DDA1: variants seen among roughly 807,000 people sequenced by gnomAD.
The protein encoded by DDA1 is DET1- and DDB1-associated protein 1.
Under a neutral mutation model 18.6 loss-of-function variants are expected in DDA1, and 3 were observed. The observed-to-expected ratio is 0.16, with a 90% CI of 0.07 to 0.42. The LOEUF (loss-of-function observed/expected upper bound fraction) is 0.42. DDA1 is among the 10% of genes least tolerant of loss of function. The probability of loss-of-function intolerance (pLI) is 0.99; values close to 1 mark genes in which losing one functional copy is unlikely to be tolerated. For missense variants in DDA1, 105 were observed against 138.2 expected, an observed-to-expected ratio of 0.76 and a Z score of 1.20; for synonymous variants, 52 against 54.0, an observed-to-expected ratio of 0.96 and a Z score of 0.17.
Position 17,319,548 on chromosome 19 carries a change from C to G in DDA1, c.201C>G (p.Asn67Lys). Residue 67 changes from asparagine (N) to lysine (K), a missense_variant and splice_region_variant, in exon 5 of 5, where the codon AAC (asparagine) becomes AAG (lysine). Transcript: ENST00000359866. ...CCTCTCTTTTCCCTGTCCCCCAGAA[C>G]GCTGCCAAGAAGAGAGACCAGGAGC... ...RYLHQQWDKK[N>K]AAKKRDQEQV... is the part of the protein sequence containing the mutation. 1 of 1,563,770 alleles carries G rather than the reference C, an allele frequency of 6.4e-7. No individual in the cohort carries two copies. The highest frequency in any genetic ancestry group is 1.2e-5 in the South Asian group (1 of 84,744).
chr19:17,319,503 GA>G lies in DDA1; in HGVS notation c.199-35del, dbSNP rs34681934. On this transcript the variant is annotated intron_variant, in intron 4 of 4. Transcript: ENST00000359866. ...TGAGCCCAGAAGGTTGAGGCTGTCC[GA>G]AAAAAAAGACTCACAGCCCCTCTCT... 26 of 1,517,592 alleles carry G rather than the reference GA, an allele frequency of 1.7e-5. No homozygotes were observed. The Admixed American group carries it at 2.8e-4, about 17-fold the overall frequency. The allele number at this position is 1,517,592 out of a possible 1,614,324, so 94.0% of individuals were successfully genotyped here.
In DDA1 at chr19:17,314,124, C is replaced by A. The variant is rs772012237; in HGVS notation, c.84+21C>A. The A allele has an allele frequency of 5.6e-6, 9 of 1,612,222 alleles. No homozygotes were observed. The highest frequency in any genetic ancestry group is 6.8e-6 in the Non-Finnish European group (8 of 1,178,632). ...CCTCGGTGAGTGCGTGTTCCTGGGA[C>A]TGGGAGGAATTGGTCACTTCCAGGG... On this transcript the variant is annotated intron_variant, in intron 2 of 4. Coordinates refer to ENST00000359866, the MANE Select transcript of DDA1 (RefSeq NM_024050.6). The surrounding 1 kb of genome is among the most constrained non-coding windows in gnomAD (Gnocchi z 4.6).
chr19:17,314,382 T>C lies in DDA1; in HGVS notation c.129T>C (p.Ser43=), dbSNP rs377221739. 9.9e-6 allele frequency: 16 copies of C among 1,614,164 alleles called. No homozygotes were observed. The African/African-American group carries it at 2.1e-4, about 22-fold the overall frequency. ...SVYLPTREYP[S]EQIIVTEKTN... ...ACCTGCCTACCCGCGAGTACCCGTC[T>C]GAACAGAGTAAGTGGCCGCTGTCAG... is the stretch of plus-strand genomic sequence containing the variant. Residue 43 remains serine (S), a synonymous_variant, in exon 3 of 5, where the codon TCT becomes TCC. Coordinates refer to ENST00000359866, the MANE Select transcript of DDA1 (RefSeq NM_024050.6). The surrounding 1 kb of genome is among the most constrained non-coding windows in gnomAD (Gnocchi z 4.6).
intron 1 of DDA1, among the ~76,000 whole-genome samples, chr19:17,313,474 G>A (rs945170764): frequency 1.5e-4 from 21 of 135,570 alleles, no homozygotes; most frequent in Non-Finnish European, 2.9e-4. Context: ...ACAGAGTCTG[G>A]TTCCGTCTCC....
At chr19:17,313,433 CTTTTTTTTT>C (rs57148595) in intron 1 of DDA1, among the ~76,000 whole-genome samples, 14 of 82,538 alleles carry the variant, frequency 1.7e-4, no homozygotes, top group African/African-American at 4.5e-4. Flanking sequence ...TTGAAAATGG[CTTTTTTTTT>C]TTTTTTTTTT....
At chr19:17,313,402 G>A (rs1459514358) in intron 1 of DDA1, among the ~76,000 whole-genome samples, 1 of 145,632 alleles carries the variant, frequency 6.9e-6, no homozygotes, top group Admixed American at 6.9e-5. Context: ...GCCCACTCCA[G>A]ACCTCACTCA....
Position 17,320,166 on chromosome 19 carries a change from G to A in DDA1, c.*510G>A, listed in dbSNP as rs1059767. ...TCGCCCGGAACTTTCCCATGCCCAGGCCTCACTCAGCGTGCACGCACGTTG... is the reference window on the plus strand; with the variant it reads ...TCGCCCGGAACTTTCCCATGCCCAGACCTCACTCAGCGTGCACGCACGTTG... On this transcript the variant is annotated 3_prime_UTR_variant, in exon 5 of 5. Coordinates refer to ENST00000359866, the MANE Select transcript of DDA1 (RefSeq NM_024050.6). The A allele has an allele frequency of 0.72, 111,123 of 153,442 alleles. 41,616 individuals are homozygous for A. The highest frequency in any genetic ancestry group is 0.85 in the African/African-American group (35,516 of 41,586). 9.5% of individuals were successfully genotyped at this position (153,442 alleles called of 1,614,324 possible). A position where few individuals can be genotyped will look rare whatever the true frequency, so the allele number is the denominator to read the frequency against.
chr19:17,323,290 A>C lies in DDA1; in HGVS notation c.*3634A>C, dbSNP rs939583207. Reference sequence around the variant, plus strand: ...AAAAATATGACAAAATAAATTAAAAACAAATAAATAATCGCCTGTTCTGTG... The same window carrying C: ...AAAAATATGACAAAATAAATTAAAACCAAATAAATAATCGCCTGTTCTGTG... On this transcript the variant is annotated 3_prime_UTR_variant, in exon 5 of 5. Coordinates refer to ENST00000359866, the MANE Select transcript of DDA1 (RefSeq NM_024050.6). 3.0e-6 allele frequency: 1 copy of C among 334,474 alleles called. No individual in the cohort carries two copies. The highest frequency in any genetic ancestry group is 5.4e-6 in the Non-Finnish European group (1 of 185,696). The allele number at this position is 334,474 out of a possible 1,614,324, so 20.7% of individuals were successfully genotyped here.
In DDA1 at chr19:17,319,598, C is replaced by A; in HGVS notation, c.251C>A (p.Ser84Tyr). 1 of 1,579,642 alleles carries A rather than the reference C, an allele frequency of 6.3e-7. No individual in the cohort carries two copies. Among genetic ancestry groups the A allele is most frequent in the Non-Finnish European group, 8.6e-7 (1 of 1,162,838 alleles). The change falls in exon 5 of 5, where the codon TCC becomes TAC. Residue 84 changes from serine (S) to tyrosine (Y), a missense_variant. Ser to Tyr is a moderately radical substitution (Grantham distance 144). Around this residue, in one of 2 missense-constraint regions of DDA1, gnomAD observed 62 missense variants for 55.8 expected, o/e 1.11. Coordinates refer to ENST00000359866, the MANE Select transcript of DDA1 (RefSeq NM_024050.6). The stretch of plus-strand genomic sequence containing the variant: ...CAAGTGGAGCTGGAAGGCGAGAGCT[C>A]CGCACCTCCCCGCAAGGTGGCGCGG... ...QEQVELEGES[S>Y]APPRKVARTD... is the part of the protein sequence containing the mutation.
intron 1 of DDA1, among the ~76,000 whole-genome samples, chr19:17,313,096 CAG>C (rs1338899615): frequency 4.9e-4 from 74 of 152,314 alleles, no homozygotes; most frequent in Non-Finnish European, 4.4e-5. Context: ...CCTCAGGCAT[CAG>C]GGGATGGCCT....
Position 17,314,556 on chromosome 19 carries a change from G to T in DDA1, c.136+167G>T. ...AGTTAAGTCAGGGAGGGCCTCCAGG[G>T]AGGTACAGGAGGGGGACCTTGGGGG... On this transcript the variant is annotated intron_variant, in intron 3 of 4. Transcript: ENST00000359866. This position sits in a 1 kb window ranked among gnomAD's most constrained non-coding sequence, Gnocchi z 4.6. 4 of 858,014 alleles carry T rather than the reference G, an allele frequency of 4.7e-6. 1 individual carries two copies. The Admixed American group carries it at 9.7e-5, about 21-fold the overall frequency. The allele number at this position is 858,014 out of a possible 1,614,324, so 53.2% of individuals were successfully genotyped here. A position where few individuals can be genotyped will look rare whatever the true frequency, so the allele number is the denominator to read the frequency against.
rs2074239579 is a variant in DDA1 at position 17,321,481 on chromosome 19, C to G, written c.*1825C>G. 1 of 152,372 alleles carries G rather than the reference C, an allele frequency of 6.6e-6. No individual in the cohort carries two copies. The highest frequency in any genetic ancestry group is 2.4e-5 in the African/African-American group (1 of 41,440). The allele number at this position is 152,372 out of a possible 1,614,324, so 9.4% of individuals were successfully genotyped here. ...TTCACCATGTTGCCCAGGCTGGTCT[C>G]AAACTCCTGGGCTCAAGTCATCCAC... On this transcript the variant is annotated 3_prime_UTR_variant, in exon 5 of 5. Coordinates refer to ENST00000359866, the MANE Select transcript of DDA1 (RefSeq NM_024050.6).
intron 1 of DDA1, among the ~76,000 whole-genome samples, chr19:17,312,594 A>C (rs2074184355): frequency 6.6e-6 from 1 of 152,116 alleles, no homozygotes; most frequent in East Asian, 1.9e-4. Flanking sequence ...GCGTCTGGGC[A>C]GCCCTCCTTT....
chr19:17,319,482 C>A, intron 4 of DDA1, 64 bp from the exon 5 acceptor site: 1 of 1,401,466 alleles, frequency 7.1e-7, no homozygotes, highest in Non-Finnish European at 9.9e-7. Context: ...ATTGCTTGAG[C>A]CCAGAAGGTT....
At chr19:17,316,078 ACT>A in intron 4 of DDA1, 83 bp downstream of exon 4, 1 of 1,486,138 alleles carries the variant, frequency 6.7e-7, no homozygotes, top group Non-Finnish European at 9.4e-7. Flanking sequence ...CACAGGAAGG[ACT>A]CTAGTGATTG....
intron 4 of DDA1, among the ~76,000 whole-genome samples, chr19:17,318,882 C>T (rs2074226386): frequency 6.6e-6 from 1 of 151,816 alleles, no homozygotes; most frequent in South Asian, 2.1e-4. Context: ...GGCTGCCTAC[C>T]CTGCGCAAAG....
At chr19:17,313,392 G>T (rs1205848733) in intron 1 of DDA1, among the ~76,000 whole-genome samples, 5 of 149,854 alleles carry the variant, frequency 3.3e-5, no homozygotes, top group Non-Finnish European at 7.4e-5. Flanking sequence ...CCCACCACTG[G>T]CCCACTCCAG....
At chr19:17,315,379 GTATA>G (rs575618383) in intron 3 of DDA1, among the ~76,000 whole-genome samples, 1 of 71,092 alleles carries the variant, frequency 1.4e-5, no homozygotes, top group Non-Finnish European at 3.1e-5. Flanking sequence ...ATATACACAC[GTATA>G]TATATACACA....
At chr19:17,311,199 T>C (rs866258420) in intron 1 of DDA1, among the ~76,000 whole-genome samples, 2 of 150,368 alleles carry the variant, frequency 1.3e-5, no homozygotes, top group Non-Finnish European at 3.0e-5. Flanking sequence ...GGAGTCTTGC[T>C]CTGTCGCCCA....
Sources: gnomAD v4.1 joint callset for allele counts (sites outside exome capture counted in the v4.1 genomes callset) on GRCh38, gnomAD v4.1.1 for gene constraint, gnomAD v4.1.1 regional missense constraint, Gnocchi (gnomAD v3.1) non-coding constraint, MANE v1.5 for transcripts, NCBI Gene and HGNC (gene_info 2026-07-23, HGNC 2026-07-21) for gene names.